Variants in DDX10 observed in about 807,000 individuals in gnomAD.
DDX10 encodes DEAD-box helicase 10.
DDX10 carries 74 observed loss-of-function variants against 104.3 expected under a neutral mutation model. The observed-to-expected ratio is 0.71, with a 90% CI of 0.59 to 0.86. The LOEUF is 0.86. Ranked by LOEUF, DDX10 falls within the 40% of genes least tolerant of loss-of-function variation. DDX10 has a pLI of 0.00. For missense variants in DDX10, 952 were observed against 1,040.0 expected (o/e 0.92, Z 1.16); for synonymous variants, 351 against 353.4 (o/e 0.99, Z 0.08).
intron 16 of DDX10, among the ~76,000 whole-genome samples, chr11:108,864,483 CT>C (rs1215962349): frequency 6.6e-6 from 1 of 151,870 alleles, no homozygotes; most frequent in South Asian, 2.1e-4. Flanking sequence ...AACTTCTATA[CT>C]TTTTTGGTGA....
chr11:108,890,866 C>T (rs1041659438), intron 16 of DDX10, among the ~76,000 whole-genome samples: 3 of 152,160 alleles, frequency 2.0e-5, no homozygotes, highest in Non-Finnish European at 4.4e-5. Context: ...ACATGCCATG[C>T]CTGTAGCAGC....
chr11:108,878,851 G>A (rs1197980617), intron 16 of DDX10, among the ~76,000 whole-genome samples: 3 of 151,714 alleles, frequency 2.0e-5, no homozygotes, highest in Admixed American at 2.0e-4. Context: ...TTATTTAACT[G>A]CTCAACTGTA....
chr11:108,907,430 G>A (rs1184852263), intron 16 of DDX10, among the ~76,000 whole-genome samples: 6 of 151,526 alleles, frequency 4.0e-5, no homozygotes, highest in Non-Finnish European at 5.9e-5. Context: ...CCACCTCTCA[G>A]GATCAAGTGA....
intron 17 of DDX10, chr11:108,922,264 AAGAGAGAGAG>A (rs796079569): frequency 1.1e-5 from 1 of 93,888 alleles, no homozygotes; most frequent in African/African-American, 4.1e-5. Context: ...AAAAAAAAAA[AAGAGAGAGAG>A]AGAGAGAGAA....
intron 13 of DDX10, among the ~76,000 whole-genome samples, chr11:108,778,408 A>G (rs2094373060): frequency 1.3e-5 from 2 of 152,258 alleles, no homozygotes; most frequent in Non-Finnish European, 2.9e-5. Context: ...CAACCATCTG[A>G]TCTTTGACAA....
At chr11:108,748,020 AAAT>A (rs993297770) in intron 13 of DDX10, among the ~76,000 whole-genome samples, 46 of 152,312 alleles carry the variant, frequency 3.0e-4, no homozygotes, top group African/African-American at 1.0e-3. Context: ...TGCGTGCAAA[AAAT>A]AATTATAAAC....
intron 16 of DDX10, among the ~76,000 whole-genome samples, chr11:108,865,778 T>C (rs1009402209): frequency 6.6e-6 from 1 of 152,164 alleles, no homozygotes; most frequent in Non-Finnish European, 1.5e-5. Flanking sequence ...TGCCCTACTA[T>C]GTGTTACCCC....
In DDX10 at chr11:108,723,094, A is replaced by T. The variant is rs1244014747; in HGVS notation, c.1597A>T (p.Ile533Phe). The change falls in exon 13 of 18, where the codon ATT becomes TTT. Residue 533 changes from isoleucine (I) to phenylalanine (F), a missense_variant. Physicochemically the swap from Ile to Phe is conservative, Grantham distance 21 (BLOSUM62 0). Transcript: ENST00000322536. ...ELVRSQADKV[I>F]EPRAPSLTND... is the part of the protein sequence containing the mutation. The stretch of plus-strand genomic sequence containing the variant: ...GGTAAGGAGCCAAGCCGATAAAGTA[A>T]TTGAGCCAAGGGCTCCCTCCCTCAC... 6.2e-7 allele frequency: 1 copy of T among 1,613,918 alleles called. No individual in the cohort carries two copies. Among genetic ancestry groups the T allele is most frequent in the Non-Finnish European group, 8.5e-7 (1 of 1,179,896 alleles).
chr11:108,773,763 T>C (rs550175507), intron 13 of DDX10, among the ~76,000 whole-genome samples: 1 of 152,250 alleles, frequency 6.6e-6, no homozygotes, highest in East Asian at 1.9e-4. Context: ...TAGAGTTCCC[T>C]ATAAAAAGGA....
At chr11:108,695,760 G>GT (rs34985675) in intron 9 of DDX10, among the ~76,000 whole-genome samples, 17,914 of 138,942 alleles carry the variant, frequency 0.13, 1,430 homozygotes, top group East Asian at 0.27. Context: ...GTGTTTAAGT[G>GT]TTTTTTTTTT....
intron 13 of DDX10, among the ~76,000 whole-genome samples, chr11:108,824,019 G>A (rs1227426310): frequency 6.6e-6 from 1 of 152,106 alleles, no homozygotes; most frequent in Non-Finnish European, 1.5e-5. Context: ...GTGTCGTATT[G>A]TTTGAAATAG....
chr11:108,790,976 A>G (rs1861862580), intron 13 of DDX10, among the ~76,000 whole-genome samples: 1 of 152,224 alleles, frequency 6.6e-6, no homozygotes. Flanking sequence ...AGCGAGAAAA[A>G]TATTTCCCAT....
chr11:108,727,422 T>C (rs1302256995), intron 13 of DDX10, among the ~76,000 whole-genome samples: 2 of 152,168 alleles, frequency 1.3e-5, no homozygotes, highest in Admixed American at 6.5e-5. Flanking sequence ...AGTAAAGTTA[T>C]TGTCTCTGGC....
At chr11:108,775,236 A>G (rs1591815067) in intron 13 of DDX10, among the ~76,000 whole-genome samples, 1 of 152,196 alleles carries the variant, frequency 6.6e-6, no homozygotes, top group Non-Finnish European at 1.5e-5. Flanking sequence ...ATTAAATTGA[A>G]TTGAAAAAAT....
chr11:108,914,805 A>T (rs572785567), intron 16 of DDX10, among the ~76,000 whole-genome samples: 1 of 147,938 alleles, frequency 6.8e-6, no homozygotes, highest in Non-Finnish European at 1.5e-5. Context: ...GTGAATGGAA[A>T]AATGTTCTGA....
intron 17 of DDX10, among the ~76,000 whole-genome samples, chr11:108,927,635 C>CTTTTTTTTTTTTTT (rs147115643): frequency 6.8e-6 from 1 of 146,512 alleles, no homozygotes. Flanking sequence ...GCACTTGGAA[C>CTTTTTTTTTTTTTT]TTTTTTTTTT....
rs2094255627 is a variant in DDX10 at position 108,693,531 on chromosome 11, A to G, written c.1154A>G (p.Asn385Ser). The G allele has an allele frequency of 6.2e-7, 1 of 1,613,988 alleles. No individual in the cohort carries two copies. Among genetic ancestry groups the G allele is most frequent in the South Asian group, 1.1e-5 (1 of 91,088 alleles). The change falls in exon 9 of 18, where the codon AAT (asparagine) becomes AGT (serine). Residue 385 changes from asparagine (N) to serine (S), a missense_variant. Transcript: ENST00000322536. ...AARGLDFPAVNWVLQFDCPED... is the reference protein window; with the variant it reads ...AARGLDFPAVSWVLQFDCPED... ...TTCTCTGTAGATTTCCCGGCCGTGA[A>G]TTGGGTTCTTCAGTTTGATTGTCCT...
intron 15 of DDX10, among the ~76,000 whole-genome samples, chr11:108,844,067 G>C (rs1591833366): frequency 1.3e-5 from 2 of 152,164 alleles, no homozygotes; most frequent in African/African-American, 4.8e-5. Flanking sequence ...GAACAGAACA[G>C]TTTTGGGCTG....
intron 6 of DDX10, among the ~76,000 whole-genome samples, chr11:108,686,025 C>T (rs913051696): frequency 2.6e-5 from 4 of 152,142 alleles, no homozygotes; most frequent in Admixed American, 6.5e-5. Flanking sequence ...TCATTTTGCT[C>T]TTTTGTAAAA....
Sources: allele counts gnomAD v4.1 joint callset (sites outside exome capture counted in the v4.1 genomes callset), GRCh38; gene constraint gnomAD v4.1.1; transcripts MANE v1.5; gene names NCBI Gene and HGNC (gene_info 2026-07-23, HGNC 2026-07-21).